GRID1: variants seen among roughly 807,000 people sequenced by gnomAD.
The protein encoded by GRID1 is glutamate receptor ionotropic, delta-1.
GRID1 carries 28 observed loss-of-function variants against 98.0 expected under a neutral mutation model. The ratio of observed to expected loss-of-function variants is 0.29; its 90% CI spans 0.21 to 0.39. The LOEUF (loss-of-function observed/expected upper bound fraction) is 0.39. Among genes scored for constraint, GRID1 ranks in the 10% least tolerant of loss-of-function variants. The pLI is 1.00. For synonymous variants in GRID1, 553 were observed against 538.5 expected (o/e 1.03, Z -0.37); for missense variants, 1,111 against 1,340.5 (o/e 0.83, Z 2.67).
chr10:85,823,514 A>G (rs1296244164), intron 8 of GRID1, among the ~76,000 whole-genome samples: 1 of 152,158 alleles, frequency 6.6e-6, no homozygotes, highest in Non-Finnish European at 1.5e-5. Flanking sequence ...CATGCTTAAA[A>G]GCTCCAATGT....
chr10:85,865,965 A>ATATATG (rs1564613340), intron 6 of GRID1, among the ~76,000 whole-genome samples: 7 of 83,324 alleles, frequency 8.4e-5, no homozygotes, highest in African/African-American at 4.2e-4. Context: ...GGAGAGAGAG[A>ATATATG]GAGAGAGAGA....
chr10:86,205,989 T>C (rs1846019803), intron 3 of GRID1, among the ~76,000 whole-genome samples: 1 of 151,960 alleles, frequency 6.6e-6, no homozygotes, highest in African/African-American at 2.4e-5. Flanking sequence ...GGCCAGGCAA[T>C]CGTCCAGTGT....
chr10:86,364,876 C>T (rs997929091), intron 1 of GRID1, among the ~76,000 whole-genome samples: 3 of 152,266 alleles, frequency 2.0e-5, no homozygotes, highest in Non-Finnish European at 4.4e-5. Context: ...TCCTCCAGGG[C>T]GCCCTCCGGC....
At chr10:86,110,514 G>A (rs1427469858) in intron 4 of GRID1, among the ~76,000 whole-genome samples, 5 of 152,168 alleles carry the variant, frequency 3.3e-5, no homozygotes, top group South Asian at 2.1e-4. Flanking sequence ...GCAATGGGGG[G>A]AAAGCTGGGC....
chr10:85,867,686 T>C (rs1564613750), intron 6 of GRID1, among the ~76,000 whole-genome samples: 1 of 152,236 alleles, frequency 6.6e-6, no homozygotes, highest in Non-Finnish European at 1.5e-5. Context: ...TCCAGGGCTC[T>C]TGAGTCCATG....
intron 4 of GRID1, among the ~76,000 whole-genome samples, chr10:86,089,840 A>C (rs1372310218): frequency 6.6e-6 from 1 of 151,664 alleles, no homozygotes; most frequent in Non-Finnish European, 1.5e-5. Context: ...TCCACCTCCC[A>C]GGTTCAAGTG....
At chr10:86,341,980 G>A (rs911971275) in intron 2 of GRID1, among the ~76,000 whole-genome samples, 2 of 152,180 alleles carry the variant, frequency 1.3e-5, no homozygotes, top group Admixed American at 1.3e-4. Context: ...GTTCTATCGT[G>A]AGATGGGGAG....
chr10:85,876,069 A>G (rs547574488), intron 5 of GRID1, among the ~76,000 whole-genome samples: 1 of 152,366 alleles, frequency 6.6e-6, no homozygotes, highest in South Asian at 2.1e-4. Context: ...TCTCTTAGAC[A>G]TGGAAAGTAA....
chr10:86,328,311 C>T (rs1355678025), intron 2 of GRID1, among the ~76,000 whole-genome samples: 1 of 152,184 alleles, frequency 6.6e-6, no homozygotes, highest in Non-Finnish European at 1.5e-5. Flanking sequence ...AGGCAGGAAA[C>T]GGGCCTTTTG....
intron 8 of GRID1, among the ~76,000 whole-genome samples, chr10:85,744,328 T>C (rs1841977530): frequency 6.6e-6 from 1 of 152,180 alleles, no homozygotes; most frequent in South Asian, 2.1e-4. Flanking sequence ...GTGGCTTTTA[T>C]CTAATGTGGT....
intron 4 of GRID1, among the ~76,000 whole-genome samples, chr10:85,961,961 T>C (rs1166488778): frequency 6.9e-6 from 1 of 145,294 alleles, no homozygotes; most frequent in Non-Finnish European, 1.5e-5. Flanking sequence ...AAGGGAAGAA[T>C]AAAGAAAGGA....
chr10:85,666,939 C>T (rs1024052322), intron 12 of GRID1, among the ~76,000 whole-genome samples: 1 of 152,146 alleles, frequency 6.6e-6, no homozygotes, highest in Non-Finnish European at 1.5e-5. Context: ...CAGGCCTGAC[C>T]GAGTTGAGCC....
chr10:86,083,510 TC>T (rs1844007284), intron 4 of GRID1, among the ~76,000 whole-genome samples: 1 of 152,200 alleles, frequency 6.6e-6, no homozygotes, highest in Admixed American at 6.5e-5. Context: ...AGAAGTCTGA[TC>T]CTTAAATCTT....
chr10:86,189,270 G>A (rs191138927), intron 3 of GRID1, among the ~76,000 whole-genome samples: 1 of 152,004 alleles, frequency 6.6e-6, no homozygotes, highest in East Asian at 1.9e-4. Context: ...CTAGTGATGG[G>A]ACCTTTGGGG....
chr10:85,645,015 AT>A (rs1325286438), intron 13 of GRID1, among the ~76,000 whole-genome samples: 1 of 152,166 alleles, frequency 6.6e-6, no homozygotes, highest in Non-Finnish European at 1.5e-5. Context: ...AGCTTTTCTT[AT>A]TAATATATTC....
intron 2 of GRID1, among the ~76,000 whole-genome samples, chr10:86,355,177 CAG>C (rs1292931506): frequency 6.6e-6 from 1 of 152,270 alleles, no homozygotes; most frequent in Non-Finnish European, 1.5e-5. Flanking sequence ...TTCCATTTTA[CAG>C]TCAGGGAAAC....
chr10:85,960,802 T>C (rs1842255952), intron 4 of GRID1, among the ~76,000 whole-genome samples: 3 of 152,222 alleles, frequency 2.0e-5, no homozygotes, highest in Admixed American at 2.0e-4. Context: ...GAGCACTGCA[T>C]TCCACCCATG....
intron 2 of GRID1, among the ~76,000 whole-genome samples, chr10:86,227,291 C>T (rs1362145131): frequency 1.3e-5 from 2 of 152,316 alleles, no homozygotes; most frequent in Non-Finnish European, 2.9e-5. Flanking sequence ...TATGGTGGGT[C>T]ATAGGCACTG....
chr10:86,148,384 G>T (rs1232843098), intron 3 of GRID1, among the ~76,000 whole-genome samples: 1 of 152,172 alleles, frequency 6.6e-6, no homozygotes, highest in Non-Finnish European at 1.5e-5. Context: ...GACAAATACT[G>T]CATGATCTCA....
Sources: allele counts gnomAD v4.1 joint callset (sites outside exome capture counted in the v4.1 genomes callset), GRCh38; gene constraint gnomAD v4.1.1; transcripts MANE v1.5; gene names NCBI Gene and HGNC (gene_info 2026-07-23, HGNC 2026-07-21).